Variants in KATNIP observed in about 807,000 individuals in gnomAD.
The protein encoded by KATNIP is katanin-interacting protein.
Under a neutral mutation model 174.0 loss-of-function variants are expected in KATNIP, and 126 were observed. The ratio of observed to expected loss-of-function variants is 0.72; its 90% CI spans 0.63 to 0.84. The LOEUF (loss-of-function observed/expected upper bound fraction) is 0.84, where lower values mean the gene tolerates loss of function less well. KATNIP is among the 40% of genes least tolerant of loss of function. KATNIP has a pLI of 0.00. For missense variants in KATNIP, 1,958 were observed against 2,109.7 expected, an observed-to-expected ratio of 0.93 and a Z score of 1.41; for synonymous variants, 810 against 835.7, an observed-to-expected ratio of 0.97 and a Z score of 0.53.
At chr16:27,661,280 G>A (rs1161993277) in intron 6 of KATNIP, among the ~76,000 whole-genome samples, 1 of 152,166 alleles carries the variant, frequency 6.6e-6, no homozygotes, top group Non-Finnish European at 1.5e-5. Flanking sequence ...GCAGGGAATG[G>A]TGGGGATAGT....
At chr16:27,594,153 G>T (rs1343095737) in intron 2 of KATNIP, among the ~76,000 whole-genome samples, 1 of 151,896 alleles carries the variant, frequency 6.6e-6, no homozygotes, top group Non-Finnish European at 1.5e-5. Context: ...TCAGCTACTT[G>T]GGAGGCTGAA....
At chr16:27,684,494 A>AAT (rs937621142) in intron 8 of KATNIP, among the ~76,000 whole-genome samples, 5 of 152,108 alleles carry the variant, frequency 3.3e-5, no homozygotes, top group African/African-American at 4.8e-5. Context: ...CATGCTCATC[A>AAT]ATATATATAT....
intron 18 of KATNIP, 121 bp from the exon 19 acceptor site, chr16:27,761,290 CTT>C: frequency 2.0e-6 from 2 of 1,023,298 alleles, no homozygotes; most frequent in Non-Finnish European, 2.8e-6. Flanking sequence ...CTGCAAGGCA[CTT>C]TGGGTCTGGG....
At chr16:27,763,468 T>C (rs1202024514) in intron 19 of KATNIP, among the ~76,000 whole-genome samples, 1 of 70,002 alleles carries the variant, frequency 1.4e-5, no homozygotes, top group Admixed American at 1.5e-4. Context: ...AAAAAAAAAA[T>C]AGCCAGGCAT....
Position 27,738,011 on chromosome 16 carries a change from C to T in KATNIP, c.1744-2030C>T, listed in dbSNP as rs180783344. ...AAGGGGTAGTGGGAGGAGGAGCCCA[C>T]GGGGACAGTGACACTCAGAGATTCA... On this transcript the variant is annotated intron_variant, in intron 14 of 27. Coordinates refer to ENST00000261588, the MANE Select transcript of KATNIP (RefSeq NM_015202.5). Among the ~76,000 whole-genome samples the T allele has an allele frequency of 5.3e-5, 8 of 152,116 alleles. No homozygotes were observed. In the East Asian group the frequency reaches 1.2e-3, roughly 22 times the overall value.
At chr16:27,591,304 C>A (rs1434623735) in intron 2 of KATNIP, among the ~76,000 whole-genome samples, 2 of 152,100 alleles carry the variant, frequency 1.3e-5, no homozygotes, top group African/African-American at 2.4e-5. Flanking sequence ...CCTGCCCCAG[C>A]CTCCTGAGTA....
At chr16:27,654,103 G>T (rs989480121) in intron 6 of KATNIP, among the ~76,000 whole-genome samples, 10 of 152,186 alleles carry the variant, frequency 6.6e-5, no homozygotes, top group African/African-American at 1.9e-4. Flanking sequence ...AGCCTGTCAT[G>T]TAGCTGGGAC....
intron 5 of KATNIP, among the ~76,000 whole-genome samples, chr16:27,638,835 ATTT>A (rs35773237): frequency 9.0e-6 from 1 of 110,810 alleles, no homozygotes; most frequent in Non-Finnish European, 1.7e-5. Flanking sequence ...GTCTTGCTGG[ATTT>A]TTTTTTTTTT....
rs573374884 is a variant in KATNIP at position 27,678,109 on chromosome 16, G to T, written c.808+113G>T. On this transcript the variant is annotated intron_variant, in intron 7 of 27. Coordinates refer to ENST00000261588, the MANE Select transcript of KATNIP (RefSeq NM_015202.5). The stretch of plus-strand genomic sequence containing the variant: ...CCTCTTTGGGTAGAGTGTCTCACAG[G>T]CCAGGGAGGTATATCAGTCAGGTCT... The T allele has an allele frequency of 1.4e-4, 171 of 1,210,692 alleles. 1 individual carries two copies. In the African/African-American group the frequency reaches 2.5e-3, roughly 18 times the overall value. 75.0% of individuals were successfully genotyped at this position (1,210,692 alleles called of 1,614,324 possible). A position where few individuals can be genotyped will look rare whatever the true frequency, so the allele number is the denominator to read the frequency against.
intron 1 of KATNIP, among the ~76,000 whole-genome samples, chr16:27,551,514 T>G (rs554169695): frequency 2.5e-4 from 38 of 152,360 alleles, no homozygotes; most frequent in Admixed American, 7.8e-4. Flanking sequence ...CTTTGTTTAT[T>G]TATATTTATG....
chr16:27,624,482 C>T (rs761114594), intron 3 of KATNIP, among the ~76,000 whole-genome samples: 6 of 152,136 alleles, frequency 3.9e-5, no homozygotes, highest in Non-Finnish European at 8.8e-5. Flanking sequence ...ATCCATGTCT[C>T]CTGCCCCAAC....
chr16:27,692,153 G>C (rs945707827), intron 8 of KATNIP, among the ~76,000 whole-genome samples: 2 of 152,188 alleles, frequency 1.3e-5, no homozygotes, highest in Admixed American at 6.5e-5. Flanking sequence ...TACTTGTCCT[G>C]GTGCTGCCCA....
At chr16:27,650,940 C>T (rs2077101842) in intron 6 of KATNIP, among the ~76,000 whole-genome samples, 1 of 152,312 alleles carries the variant, frequency 6.6e-6, no homozygotes, top group African/African-American at 2.4e-5. Flanking sequence ...TTGAACTAAA[C>T]AGCCCCCTGC....
At chr16:27,730,453 A>G (rs2080628283) in intron 14 of KATNIP, among the ~76,000 whole-genome samples, 1 of 152,004 alleles carries the variant, frequency 6.6e-6, no homozygotes, top group African/African-American at 2.4e-5. Flanking sequence ...TGGACCCTGA[A>G]TGTGTTTGCA....
At chr16:27,667,128 C>T (rs1307254763) in intron 6 of KATNIP, among the ~76,000 whole-genome samples, 5 of 152,170 alleles carry the variant, frequency 3.3e-5, no homozygotes, top group East Asian at 1.9e-4. Flanking sequence ...CGAGACCAGC[C>T]TGGGCAACAT....
At chr16:27,748,106 C>T (rs969299354) in intron 15 of KATNIP, among the ~76,000 whole-genome samples, 5 of 152,162 alleles carry the variant, frequency 3.3e-5, no homozygotes, top group East Asian at 1.9e-4. Flanking sequence ...TGAGCCATGG[C>T]GTGGCTGTGA....
intron 14 of KATNIP, among the ~76,000 whole-genome samples, chr16:27,735,055 T>C (rs2080847096): frequency 6.6e-6 from 1 of 152,228 alleles, no homozygotes. Context: ...CTGGTGATCC[T>C]TGGGCCACAT....
intron 1 of KATNIP, among the ~76,000 whole-genome samples, chr16:27,557,299 G>A (rs540709119): frequency 4.6e-5 from 7 of 151,972 alleles, no homozygotes; most frequent in Non-Finnish European, 8.8e-5. Context: ...ATGCCACCAC[G>A]CCCAACTAAT....
intron 1 of KATNIP, among the ~76,000 whole-genome samples, chr16:27,571,972 T>C (rs2090316347): frequency 6.6e-6 from 1 of 152,092 alleles, no homozygotes; most frequent in African/African-American, 2.4e-5. Context: ...AATCTCTTGA[T>C]CCCTAAATCC....
Sources: allele counts gnomAD v4.1 joint callset (sites outside exome capture counted in the v4.1 genomes callset), GRCh38; gene constraint gnomAD v4.1.1; transcripts MANE v1.5; gene names NCBI Gene and HGNC (gene_info 2026-07-23, HGNC 2026-07-21).